Variants in RRN3 observed in about 807,000 individuals in gnomAD.
RRN3 encodes RNA polymerase I-specific transcription initiation factor RRN3.
Under a neutral mutation model 82.3 loss-of-function variants are expected in RRN3, and 38 were observed. The ratio of observed to expected loss-of-function variants is 0.46; its 90% CI spans 0.36 to 0.61. The LOEUF (loss-of-function observed/expected upper bound fraction) is 0.61. RRN3 is among the 20% of genes least tolerant of loss of function. The probability of loss-of-function intolerance (pLI) is 0.00; values close to 1 mark genes in which losing one functional copy is unlikely to be tolerated. For missense variants in RRN3, 726 were observed against 793.1 expected (o/e 0.92, Z 1.02); for synonymous variants, 284 against 284.3 (o/e 1.00, Z 0.01).
intron 11 of RRN3, among the ~76,000 whole-genome samples, chr16:15,073,463 A>G (rs2045324456): frequency 6.6e-6 from 1 of 152,228 alleles, no homozygotes; most frequent in Non-Finnish European, 1.5e-5. Flanking sequence ...TATTTAAAAA[A>G]AAAAGAAAGA....
chr16:15,074,289 C>A (rs1329060857), intron 11 of RRN3, among the ~76,000 whole-genome samples: 2 of 152,152 alleles, frequency 1.3e-5, no homozygotes, highest in African/African-American at 2.4e-5. Context: ...TTTCGCCTGG[C>A]AAAGCCTTTA....
chr16:15,080,749 T>G (rs2045663543), intron 8 of RRN3, among the ~76,000 whole-genome samples: 1 of 152,098 alleles, frequency 6.6e-6, no homozygotes, highest in Non-Finnish European at 1.5e-5. Context: ...TTAATCACGC[T>G]AAAAAGAAAT....
chr16:15,070,475 T>C (rs1438992237), intron 13 of RRN3, among the ~76,000 whole-genome samples: 3 of 151,816 alleles, frequency 2.0e-5, no homozygotes, highest in Non-Finnish European at 2.9e-5. Context: ...TCTGACCTTC[T>C]AGGAACAGGT....
intron 9 of RRN3, among the ~76,000 whole-genome samples, chr16:15,076,987 T>C (rs1352667212): frequency 1.3e-5 from 2 of 151,332 alleles, no homozygotes; most frequent in African/African-American, 2.4e-5. Flanking sequence ...TCACTTTTTT[T>C]TTTTTTTTTG....
rs748340099 is a variant in RRN3, at chr16:15,084,747, C to A, written c.533-42G>T. On this transcript the variant is annotated intron_variant, in intron 6 of 17. Coordinates refer to ENST00000198767, the MANE Select transcript of RRN3 (RefSeq NM_018427.5). ...TCAGAGTATGAGCATCAAAACAAAA[C>A]TGAAGGGCGACACGCTTGAAGCTAA... is the stretch of plus-strand genomic sequence containing the variant. The A allele has an allele frequency of 1.0e-5, 14 of 1,391,350 alleles. No homozygotes were observed. In the Admixed American group the frequency reaches 2.4e-4, roughly 23 times the overall value. The allele number at this position is 1,391,350 out of a possible 1,614,324, so 86.2% of individuals were successfully genotyped here.
intron 2 of RRN3, among the ~76,000 whole-genome samples, 169 bp from the exon 3 acceptor site, chr16:15,091,540 G>C (rs2046129836): frequency 6.6e-6 from 1 of 151,480 alleles, no homozygotes; most frequent in Non-Finnish European, 1.5e-5. Flanking sequence ...AAACACTCAT[G>C]TTAGTGCAGC....
chr16:15,072,766 T>C (rs2045290548), intron 12 of RRN3, among the ~76,000 whole-genome samples, 184 bp downstream of exon 12: 2 of 151,840 alleles, frequency 1.3e-5, no homozygotes, highest in African/African-American at 4.8e-5. Context: ...AGACTGTGTC[T>C]CAAAAAAGAA....
intron 3 of RRN3, among the ~76,000 whole-genome samples, chr16:15,089,063 G>A (rs563625542): frequency 1.3e-5 from 2 of 152,272 alleles, no homozygotes; most frequent in African/African-American, 2.4e-5. Flanking sequence ...AGCACTTTGG[G>A]AGGCTGAGGC....
intron 15 of RRN3, among the ~76,000 whole-genome samples, chr16:15,065,890 A>T (rs1415198250): frequency 1.3e-5 from 2 of 152,238 alleles, no homozygotes; most frequent in African/African-American, 4.8e-5. Context: ...CTAAGTCATG[A>T]CCTCAAAAAC....
chr16:15,077,691 A>T lies in RRN3; in HGVS notation c.766-1041T>A, dbSNP rs551728236. Among the ~76,000 whole-genome samples the T allele has an allele frequency of 7.9e-5, 12 of 152,318 alleles. No individual in the cohort carries two copies. In the South Asian group the frequency reaches 2.5e-3, roughly 32 times the overall value. ...CCCATCTCTACTAAAAATACAAAAA[A>T]TTAGCCGGGCATGGTGGCATGTGCC... is the stretch of plus-strand genomic sequence containing the variant. On this transcript the variant is annotated intron_variant, in intron 9 of 17. Coordinates refer to ENST00000198767, the MANE Select transcript of RRN3 (RefSeq NM_018427.5).
chr16:15,061,767 A>G lies in RRN3; in HGVS notation c.1933T>C (p.Tyr645His). ...CGTCAGAGGGGACTGGGTTGCATGT[A>G]CAACACGGGTGGGGAGCCCACACTA... The part of the protein sequence containing the change: ...SSSVGSPPVL[Y>H]MQPSPL The change falls in exon 18 of 18, where the codon TAC (tyrosine) becomes CAC (histidine). Residue 645 changes from tyrosine to histidine, a missense_variant. By Grantham distance (83) the Tyr-to-His change is moderately conservative (BLOSUM62 2). Coordinates refer to ENST00000198767, the MANE Select transcript of RRN3 (RefSeq NM_018427.5). The G allele has an allele frequency of 6.2e-7, 1 of 1,613,836 alleles. No individual in the cohort carries two copies. Among genetic ancestry groups the G allele is most frequent in the Non-Finnish European group, 8.5e-7 (1 of 1,179,688 alleles).
chr16:15,062,111 C>A (rs1241018504), intron 17 of RRN3, among the ~76,000 whole-genome samples: 4 of 152,154 alleles, frequency 2.6e-5, no homozygotes, highest in African/African-American at 9.7e-5. Flanking sequence ...CTCAAGAGTT[C>A]CGAATCCAGC....
chr16:15,071,837 G>C (rs1419110741), intron 12 of RRN3, among the ~76,000 whole-genome samples: 1 of 152,098 alleles, frequency 6.6e-6, no homozygotes, highest in African/African-American at 2.4e-5. Flanking sequence ...GTTTGTGACA[G>C]GGCTTTGGAA....
In RRN3 at chr16:15,072,946, T is replaced by C; in HGVS notation, c.1128+4A>G. On this transcript the variant is annotated splice_donor_region_variant and intron_variant, in intron 12 of 17. Coordinates refer to ENST00000198767, the MANE Select transcript of RRN3 (RefSeq NM_018427.5). ...AAGATAATGTTAATCACATTCTTAC[T>C]CACCAATTTGAAACTACAGAGGTAA... 3 of 1,613,258 alleles carry C rather than the reference T, an allele frequency of 1.9e-6. No homozygotes were observed. Among genetic ancestry groups the C allele is most frequent in the Non-Finnish European group, 2.5e-6 (3 of 1,179,812 alleles).
chr16:15,065,693 G>A (rs2151763012), intron 15 of RRN3, among the ~76,000 whole-genome samples: 1 of 152,160 alleles, frequency 6.6e-6, no homozygotes, highest in Admixed American at 6.5e-5. Context: ...ATAAATGTTT[G>A]CAAGGCAAAA....
At chr16:15,081,762 A>C (rs181712288) in intron 8 of RRN3, among the ~76,000 whole-genome samples, 1 of 152,346 alleles carries the variant, frequency 6.6e-6, no homozygotes, top group East Asian at 1.9e-4. Context: ...CAACATCATG[A>C]AAATGTACTC....
chr16:15,071,026 G>A, intron 13 of RRN3, 95 bp downstream of exon 13: 1 of 1,099,816 alleles, frequency 9.1e-7, no homozygotes. Context: ...TTAAAAACAT[G>A]CCAAAAAAAA....
chr16:15,082,273 G>C (rs1388756153), intron 8 of RRN3, among the ~76,000 whole-genome samples: 2 of 152,154 alleles, frequency 1.3e-5, no homozygotes, highest in Non-Finnish European at 2.9e-5. Context: ...TCTCGTAAAA[G>C]GATATTGGTG....
Position 15,066,286 on chromosome 16 carries a change from G to A in RRN3, c.1554-915C>T, listed in dbSNP as rs1368538576. ...CCCGCAGCTGACCGCACTTCCGGGT[G>A]TGTGACAAGGAAGCATGTGCCCACA... On this transcript the variant is annotated intron_variant, in intron 15 of 17. Coordinates refer to ENST00000198767, the MANE Select transcript of RRN3 (RefSeq NM_018427.5). 2.0e-5 allele frequency among the ~76,000 whole-genome samples: 3 copies of A among 152,164 alleles called. No individual in the cohort carries two copies. In the East Asian group the frequency reaches 5.8e-4, roughly 29 times the overall value.
Sources: allele counts gnomAD v4.1 joint callset (sites outside exome capture counted in the v4.1 genomes callset), GRCh38; gene constraint gnomAD v4.1.1; transcripts MANE v1.5; gene names NCBI Gene and HGNC (gene_info 2026-07-23, HGNC 2026-07-21).